The following JTB variants were observed in gnomAD, a reference collection of about 807,000 sequenced individuals.
JTB encodes the protein jumping translocation breakpoint.
Under a neutral mutation model 22.1 loss-of-function variants are expected in JTB, and 10 were observed. That is an observed-to-expected ratio of 0.45 (90% CI 0.28 to 0.77). JTB has a LOEUF of 0.77. JTB is among the 30% of genes least tolerant of loss of function. JTB has a pLI of 0.13. For synonymous variants in JTB, 83 were observed against 66.8 expected (o/e 1.24, Z -1.18); for missense variants, 137 against 180.3 (o/e 0.76, Z 1.38).
chr1:153,977,065 AC>A (rs1648816640), intron 1 of JTB, 52 bp from the exon 2 acceptor site: 1 of 1,613,190 alleles, frequency 6.2e-7, no homozygotes, highest in East Asian at 2.2e-5. Flanking sequence ...AAAATAGGGC[AC>A]CCCCTCCTGC....
intron 3 of JTB, 89 bp from the exon 4 acceptor site, chr1:153,975,994 C>T (rs1174068946): frequency 1.1e-6 from 1 of 883,756 alleles, no homozygotes; most frequent in Non-Finnish European, 1.9e-6. Context: ...AGGTGCCCAA[C>T]TGCTATGGTT....
chr1:153,976,727 G>C lies in JTB; in HGVS notation c.170C>G (p.Ala57Gly). 6.2e-7 allele frequency: 1 copy of C among 1,614,074 alleles called. No homozygotes were observed. The highest frequency in any genetic ancestry group is 8.5e-7 in the Non-Finnish European group (1 of 1,180,024). ...ATTAGAGCATGGAGAGCACTCTTCT[G>C]CTACCACAAACTCTTCCACCAGCCA... ...PCWLVEEFVV[A>G]EECSPCSNFR... Residue 57 changes from alanine (A) to glycine (G), a missense_variant, in exon 3 of 5, where the codon GCA (alanine) becomes GGA (glycine). Physicochemically the swap from Ala to Gly is moderately conservative, Grantham distance 60 (BLOSUM62 0). Transcript: ENST00000271843.
At position 153,977,221 on chromosome 1, in the gene JTB, G is replaced by T; in HGVS notation, c.32C>A (p.Pro11His). 6.2e-7 allele frequency: 1 copy of T among 1,614,130 alleles called. No individual in the cohort carries two copies. The highest frequency in any genetic ancestry group is 1.1e-5 in the South Asian group (1 of 91,070). Residue 11 changes from proline (P) to histidine (H), a missense_variant, in exon 1 of 5, where the codon CCC becomes CAC. Coordinates refer to ENST00000271843, the MANE Select transcript of JTB (RefSeq NM_006694.4). Reference protein sequence around the residue: MLAGAGRPGLPQGRHLCWLLC... With the variant: MLAGAGRPGLHQGRHLCWLLC... ...CAACCAGCAGAGGTGGCGGCCCTGG[G>T]GGAGGCCAGGCCTCCCGGCACCCGC...
chr1:153,976,056 G>A lies in JTB; in HGVS notation c.205-151C>T, dbSNP rs986558973. ...TGAAAGAGTTCTGATGCGGATGGTGGAGGTGGTGGTTGCATGATTACGAAT... is the reference window on the plus strand; with the variant it reads ...TGAAAGAGTTCTGATGCGGATGGTGAAGGTGGTGGTTGCATGATTACGAAT... On this transcript the variant is annotated intron_variant, in intron 3 of 4. Coordinates refer to ENST00000271843, the MANE Select transcript of JTB (RefSeq NM_006694.4). 2.2e-5 allele frequency: 14 copies of A among 632,924 alleles called. No individual in the cohort carries two copies. In the African/African-American group the frequency reaches 2.4e-4, roughly 11 times the overall value. The allele number at this position is 632,924 out of a possible 1,614,324, so 39.2% of individuals were successfully genotyped here.
At chr1:153,976,868 C>T (rs1189504479) in intron 2 of JTB, 93 bp from the exon 3 acceptor site, 1 of 1,597,420 alleles carries the variant, frequency 6.3e-7, no homozygotes, top group South Asian at 1.1e-5. Context: ...CGCTTGCCCT[C>T]ATTCCATGTG....
At position 153,977,269 on chromosome 1, in the gene JTB, C is replaced by T. The variant is rs943714250; in HGVS notation, c.-17G>A. ...CGCAAGCATGGAGCGCCAAGTGTCG[C>T]ACCTGTCGGAACAGAGGGACCTACT... On this transcript the variant is annotated 5_prime_UTR_variant, in exon 1 of 5. Transcript: ENST00000271843. 3.1e-6 allele frequency: 5 copies of T among 1,613,370 alleles called. No individual in the cohort carries two copies. The African/African-American group carries it at 5.3e-5, about 17-fold the overall frequency.
chr1:153,974,851 A>G lies in JTB; in HGVS notation c.285-16T>C, dbSNP rs1309356933. ...TGAGCGGCAGCTGAGGGCAGGAAGG[A>G]ATAGTTATTCCCAAGGAAGGCCAGA... On this transcript the variant is annotated splice_polypyrimidine_tract_variant and intron_variant, in intron 4 of 4. Coordinates refer to ENST00000271843, the MANE Select transcript of JTB (RefSeq NM_006694.4). 1 of 1,593,840 alleles carries G rather than the reference A, an allele frequency of 6.3e-7. No homozygotes were observed. Among genetic ancestry groups the G allele is most frequent in the East Asian group, 2.3e-5 (1 of 44,308 alleles).
rs1172110618 is a variant in JTB, at chr1:153,977,560, G to A, written c.-308C>T. On this transcript the variant is annotated 5_prime_UTR_variant, in exon 1 of 5. Coordinates refer to ENST00000271843, the MANE Select transcript of JTB (RefSeq NM_006694.4). ...CCCGCTCACCTCCGCTCCCGCCCCC[G>A]ACGCAGCCATCTAGCCCCGTGGAGG... 7 of 1,110,726 alleles carry A rather than the reference G, an allele frequency of 6.3e-6. No homozygotes were observed. The highest frequency in any genetic ancestry group is 6.4e-5 in the East Asian group (1 of 15,580). 68.8% of individuals were successfully genotyped at this position (1,110,726 alleles called of 1,614,324 possible). A position where few individuals can be genotyped will look rare whatever the true frequency, so the allele number is the denominator to read the frequency against.
rs1426207972 is a variant in JTB at position 153,974,644 on chromosome 1, G to A, written c.*35C>T. 3 of 1,576,006 alleles carry A rather than the reference G, an allele frequency of 1.9e-6. No individual in the cohort carries two copies. The highest frequency in any genetic ancestry group is 2.2e-5 in the South Asian group (2 of 89,644). ...TTTCACTTTCACTGTCTGAGATAGG[G>A]TCTCTAAGACCCAGGATACAAGGGT... On this transcript the variant is annotated 3_prime_UTR_variant, in exon 5 of 5. Transcript: ENST00000271843.
At chr1:153,976,127 T>C (rs1444267604) in intron 3 of JTB, among the ~76,000 whole-genome samples, 1 of 152,210 alleles carries the variant, frequency 6.6e-6, no homozygotes, top group African/African-American at 2.4e-5. Flanking sequence ...GTGGCAAAGA[T>C]ACATTCCATT....
At chr1:153,976,672 G>A (rs575943769) in intron 3 of JTB, 21 bp downstream of exon 3, 1 of 1,586,168 alleles carries the variant, frequency 6.3e-7, no homozygotes, top group East Asian at 2.2e-5. Context: ...AAAAAAAAAG[G>A]GTAGAGAAAT....
chr1:153,976,443 A>C (rs953778732), intron 3 of JTB, among the ~76,000 whole-genome samples: 1 of 152,214 alleles, frequency 6.6e-6, no homozygotes, highest in Non-Finnish European at 1.5e-5. Flanking sequence ...CCTGGGCAAC[A>C]GAGTGAGACT....
In JTB at chr1:153,974,770, G is replaced by C. The variant is rs1341417823; in HGVS notation, c.350C>G (p.Ala117Gly). 1.2e-6 allele frequency: 2 copies of C among 1,613,684 alleles called. No homozygotes were observed. Among genetic ancestry groups the C allele is most frequent in the East Asian group, 2.2e-5 (1 of 44,856 alleles). Residue 117 changes from alanine (A) to glycine (G), a missense_variant, in exon 5 of 5, where the codon GCC (alanine) becomes GGC (glycine). Coordinates refer to ENST00000271843, the MANE Select transcript of JTB (RefSeq NM_006694.4). ...WKFEGAVVCV[A>G]LIFACLVIIR... ...GATGACAAGACAAGCGAAGATCAGG[G>C]CCACACACACGACAGCCCCTTCGAA... is the stretch of plus-strand genomic sequence containing the variant.
In JTB at chr1:153,975,390, AT is replaced by A. The variant is rs386635616; in HGVS notation, c.284+435del. ...CGCCTCGGCCTCCCAAAGTGCTGGG[AT>A]TACAGGCGTGAGCCACCCCTCCCAG... On this transcript the variant is annotated intron_variant, in intron 4 of 4. Coordinates refer to ENST00000271843, the MANE Select transcript of JTB (RefSeq NM_006694.4). 1.2e-3 allele frequency among the ~76,000 whole-genome samples: 161 copies of A among 138,702 alleles called. 1 individual carries two copies. Among genetic ancestry groups the A allele is most frequent in the African/African-American group, 3.7e-3 (136 of 37,100 alleles). 91.0% of individuals were successfully genotyped at this position (138,702 alleles called of 152,430 possible). A position where few individuals can be genotyped will look rare whatever the true frequency, so the allele number is the denominator to read the frequency against.
Position 153,977,617 on chromosome 1 carries a change from G to A in JTB, c.-365C>T, listed in dbSNP as rs1057406091. 11 of 1,022,976 alleles carry A rather than the reference G, an allele frequency of 1.1e-5. No homozygotes were observed. In the African/African-American group the frequency reaches 1.6e-4, roughly 14 times the overall value. The allele number at this position is 1,022,976 out of a possible 1,614,324, so 63.4% of individuals were successfully genotyped here. ...GGGCGCGGGACCGAGCTCGGGGCCC[G>A]GTGTTCCCGGGGGCGTTCGGTCGTC... On this transcript the variant is annotated 5_prime_UTR_variant, in exon 1 of 5. Coordinates refer to ENST00000271843, the MANE Select transcript of JTB (RefSeq NM_006694.4).
In JTB at chr1:153,977,672, G is replaced by C. The variant is rs1031147098; in HGVS notation, c.-420C>G. On this transcript the variant is annotated 5_prime_UTR_variant, in exon 1 of 5. Coordinates refer to ENST00000271843, the MANE Select transcript of JTB (RefSeq NM_006694.4). Reference sequence around the variant, plus strand: ...GCTGGGGCTTATAGTCTTCCGCGTCGGTGGCGCCTCGCCTGCTGCTCACTG... The same window carrying C: ...GCTGGGGCTTATAGTCTTCCGCGTCCGTGGCGCCTCGCCTGCTGCTCACTG... The C allele has an allele frequency of 3.0e-6, 3 of 989,772 alleles. No homozygotes were observed. The highest frequency in any genetic ancestry group is 3.6e-6 in the Non-Finnish European group (3 of 832,706). The allele number at this position is 989,772 out of a possible 1,614,324, so 61.3% of individuals were successfully genotyped here. A position where few individuals can be genotyped will look rare whatever the true frequency, so the allele number is the denominator to read the frequency against.
chr1:153,975,178 G>A (rs2102182854), intron 4 of JTB, among the ~76,000 whole-genome samples: 1 of 152,272 alleles, frequency 6.6e-6, no homozygotes, highest in South Asian at 2.1e-4. Flanking sequence ...CTGGAGTGCA[G>A]TGGCGTGACC....
At position 153,977,578 on chromosome 1, in the gene JTB, C is replaced by G. The variant is rs1412846415; in HGVS notation, c.-326G>C. ...CGCCCCCGACGCAGCCATCTAGCCC[C>G]GTGGAGGATCCTCGGGCGCGGGACC... On this transcript the variant is annotated 5_prime_UTR_variant, in exon 1 of 5. Coordinates refer to ENST00000271843, the MANE Select transcript of JTB (RefSeq NM_006694.4). 9.5e-7 allele frequency: 1 copy of G among 1,052,456 alleles called. No individual in the cohort carries two copies. 65.2% of individuals were successfully genotyped at this position (1,052,456 alleles called of 1,614,324 possible). A position where few individuals can be genotyped will look rare whatever the true frequency, so the allele number is the denominator to read the frequency against.
In JTB at chr1:153,977,548, G is replaced by A; in HGVS notation, c.-296C>T. The stretch of plus-strand genomic sequence containing the variant: ...GCGGCCCTAGCGCCCGCTCACCTCC[G>A]CTCCCGCCCCCGACGCAGCCATCTA... On this transcript the variant is annotated 5_prime_UTR_variant, in exon 1 of 5. Transcript: ENST00000271843. 3 of 1,122,656 alleles carry A rather than the reference G, an allele frequency of 2.7e-6. No individual in the cohort carries two copies. Among genetic ancestry groups the A allele is most frequent in the South Asian group, 2.6e-5 (1 of 39,102 alleles). The allele number at this position is 1,122,656 out of a possible 1,614,324, so 69.5% of individuals were successfully genotyped here.
Sources: allele counts gnomAD v4.1 joint callset (sites outside exome capture counted in the v4.1 genomes callset), GRCh38; gene constraint gnomAD v4.1.1; transcripts MANE v1.5; gene names NCBI Gene and HGNC (gene_info 2026-07-23, HGNC 2026-07-21).